CNTNAP5: variants seen among roughly 807,000 people sequenced by gnomAD.
CNTNAP5 encodes the protein contactin-associated protein-like 5.
In CNTNAP5, 72 loss-of-function variants were observed where a neutral mutation model predicts 150.2. The observed-to-expected ratio is 0.48, with a 90% CI of 0.40 to 0.58. The LOEUF (loss-of-function observed/expected upper bound fraction) is 0.58. Ranked by LOEUF, CNTNAP5 falls within the 20% of genes least tolerant of loss-of-function variation. CNTNAP5 has a pLI of 0.00. For synonymous variants in CNTNAP5, 672 were observed against 619.8 expected (o/e 1.08, Z -1.25); for missense variants, 1,636 against 1,626.2 (o/e 1.01, Z -0.10).
intron 13 of CNTNAP5, among the ~76,000 whole-genome samples, chr2:124,743,974 A>G (rs1573587840): frequency 1.3e-5 from 2 of 152,264 alleles, no homozygotes; most frequent in South Asian, 4.1e-4. Flanking sequence ...TTTGTTCAGG[A>G]TGTCTTTTCA....
intron 3 of CNTNAP5, among the ~76,000 whole-genome samples, chr2:124,392,689 A>C (rs1691146279): frequency 1.5e-5 from 1 of 65,216 alleles, no homozygotes; most frequent in African/African-American, 7.2e-5. Context: ...TTCTTTGCCA[A>C]AAAAAAAAAA....
At chr2:124,913,977 T>G in intron 23 of CNTNAP5, 115 bp from the exon 24 acceptor site, 3 of 654,122 alleles carry the variant, frequency 4.6e-6, no homozygotes, top group Non-Finnish European at 7.7e-6. Flanking sequence ...GTTTGTGTGA[T>G]TTGTTTTGTT....
At chr2:124,518,698 C>T (rs759171961) in intron 8 of CNTNAP5, among the ~76,000 whole-genome samples, 5 of 152,008 alleles carry the variant, frequency 3.3e-5, no homozygotes, top group Non-Finnish European at 5.9e-5. Flanking sequence ...TAAAAACATA[C>T]TTAATTGACC....
intron 1 of CNTNAP5, among the ~76,000 whole-genome samples, chr2:124,221,307 CCCT>C (rs1161038802): frequency 6.6e-6 from 1 of 152,078 alleles, no homozygotes; most frequent in East Asian, 1.9e-4. Flanking sequence ...CAATGTTTCC[CCCT>C]TTTAATCATC....
chr2:124,834,520 G>T (rs928699283), intron 19 of CNTNAP5, among the ~76,000 whole-genome samples: 1 of 152,070 alleles, frequency 6.6e-6, no homozygotes, highest in Non-Finnish European at 1.5e-5. Flanking sequence ...GTAATGGGGG[G>T]TATTGCAGCA....
intron 11 of CNTNAP5, among the ~76,000 whole-genome samples, chr2:124,572,898 A>G (rs1336969183): frequency 1.3e-5 from 2 of 152,180 alleles, no homozygotes; most frequent in Non-Finnish European, 2.9e-5. Flanking sequence ...TTGCTCCTTT[A>G]GCATTCTCTC....
intron 11 of CNTNAP5, among the ~76,000 whole-genome samples, chr2:124,576,028 C>T (rs1039751228): frequency 1.3e-5 from 2 of 152,130 alleles, no homozygotes; most frequent in African/African-American, 4.8e-5. Flanking sequence ...AAGATCCTCA[C>T]ACTACGTCCC....
At position 124,713,308 on chromosome 2, in the gene CNTNAP5, CTCTTTCTTTCCTTTCTTTCTT is replaced by C. The variant is rs1679865066; in HGVS notation, c.2078-33910_2078-33890del. 3.1e-4 allele frequency among the ~76,000 whole-genome samples: 18 copies of C among 57,382 alleles called. 1 individual carries two copies. Among genetic ancestry groups the C allele is most frequent in the African/African-American group, 9.8e-4 (18 of 18,426 alleles). The allele number at this position is 57,382 out of a possible 152,430, so 37.6% of individuals were successfully genotyped here. A position where few individuals can be genotyped will look rare whatever the true frequency, so the allele number is the denominator to read the frequency against. ...TTCTTTCTTTCTTTCTTTCTTCTTT[CTCTTTCTTTCCTTTCTTTCTT>C]TCTTTCTTTCTTTCTTTCTTTCTTT... On this transcript the variant is annotated intron_variant, in intron 13 of 23. Transcript: ENST00000682447.
In CNTNAP5 at chr2:124,146,480, AT is replaced by A. The variant is rs530328823; in HGVS notation, c.83-75213del. ...AATAAAGAGAGAGAAATGTTCACAGATTTTTTTTTTTTGAATAAGGATGCTC... is the reference window on the plus strand; with the variant it reads ...AATAAAGAGAGAGAAATGTTCACAGATTTTTTTTTTTGAATAAGGATGCTC... On this transcript the variant is annotated intron_variant, in intron 1 of 23. Coordinates refer to ENST00000682447, the MANE Select transcript of CNTNAP5 (RefSeq NM_001367498.1). Among the ~76,000 whole-genome samples, 1,104 of 147,676 alleles carry A rather than the reference AT, an allele frequency of 7.5e-3. 7 individuals are homozygous for A. The highest frequency in any genetic ancestry group is 0.011 in the Admixed American group (161 of 14,768).
intron 3 of CNTNAP5, among the ~76,000 whole-genome samples, chr2:124,405,887 A>G (rs1691558972): frequency 6.6e-6 from 1 of 152,192 alleles, no homozygotes; most frequent in Non-Finnish European, 1.5e-5. Flanking sequence ...AATATTCTGT[A>G]TTAAATTTCC....
chr2:124,250,209 G>T (rs1218339330), intron 3 of CNTNAP5, among the ~76,000 whole-genome samples: 3 of 152,158 alleles, frequency 2.0e-5, no homozygotes, highest in African/African-American at 7.2e-5. Context: ...TCAAGGCAAG[G>T]CCTACTGGGC....
At chr2:124,079,898 C>A (rs553928381) in intron 1 of CNTNAP5, among the ~76,000 whole-genome samples, 1 of 152,192 alleles carries the variant, frequency 6.6e-6, no homozygotes, top group Non-Finnish European at 1.5e-5. Flanking sequence ...ATGTTTCAGT[C>A]TTCCTATCCA....
chr2:124,080,206 G>A (rs1022332473), intron 1 of CNTNAP5, among the ~76,000 whole-genome samples: 1 of 152,098 alleles, frequency 6.6e-6, no homozygotes, highest in Non-Finnish European at 1.5e-5. Context: ...TCACTACCCA[G>A]TGTTCTAGCC....
At chr2:124,668,679 A>G (rs1182695790) in intron 13 of CNTNAP5, among the ~76,000 whole-genome samples, 2 of 152,210 alleles carry the variant, frequency 1.3e-5, no homozygotes, top group African/African-American at 4.8e-5. Flanking sequence ...AATGTGTTAT[A>G]AAAAGGTATA....
At chr2:124,742,780 G>A (rs555135272) in intron 13 of CNTNAP5, among the ~76,000 whole-genome samples, 1 of 151,968 alleles carries the variant, frequency 6.6e-6, no homozygotes, top group African/African-American at 2.4e-5. Context: ...TTTATACCCT[G>A]CTTACAGAGG....
chr2:124,514,872 G>T (rs1001146169), intron 8 of CNTNAP5, among the ~76,000 whole-genome samples: 1 of 152,202 alleles, frequency 6.6e-6, no homozygotes, highest in African/African-American at 2.4e-5. Context: ...CAGAGTTTTG[G>T]TCAGGGACCC....
intron 11 of CNTNAP5, among the ~76,000 whole-genome samples, chr2:124,589,216 G>T (rs1696623448): frequency 6.6e-6 from 1 of 151,930 alleles, no homozygotes; most frequent in African/African-American, 2.4e-5. Flanking sequence ...CCCAGCCCCT[G>T]CAGTCACTAA....
chr2:124,586,708 G>C (rs754831331), intron 11 of CNTNAP5, among the ~76,000 whole-genome samples: 21 of 152,112 alleles, frequency 1.4e-4, no homozygotes, highest in Non-Finnish European at 2.5e-4. Context: ...CAATCTAAAG[G>C]CTTTCTTTGC....
chr2:124,747,756 A>AGCAAAAGC (rs1295536813), intron 14 of CNTNAP5, among the ~76,000 whole-genome samples: 2 of 133,810 alleles, frequency 1.5e-5, no homozygotes, highest in Non-Finnish European at 1.6e-5. Flanking sequence ...AGTAGCTGGG[A>AGCAAAAGC]GCAAAAGCAC....
Sources: gnomAD v4.1 joint callset for allele counts (sites outside exome capture counted in the v4.1 genomes callset) on GRCh38, gnomAD v4.1.1 for gene constraint, MANE v1.5 for transcripts, NCBI Gene and HGNC (gene_info 2026-07-23, HGNC 2026-07-21) for gene names.